Variants in RNF157 observed in about 807,000 individuals in gnomAD.
The protein encoded by RNF157 is E3 ubiquitin ligase RNF157.
RNF157 carries 55 observed loss-of-function variants against 88.3 expected under a neutral mutation model. The observed-to-expected ratio is 0.62, with a 90% CI of 0.50 to 0.78. The LOEUF is 0.78. RNF157 is among the 30% of genes least tolerant of loss of function. The pLI, the probability that RNF157 is intolerant of heterozygous loss-of-function variation, is 0.00. For synonymous variants in RNF157, 334 were observed against 341.2 expected, an observed-to-expected ratio of 0.98 and a Z score of 0.23; for missense variants, 788 against 860.8, an observed-to-expected ratio of 0.92 and a Z score of 1.06.
intron 2 of RNF157, among the ~76,000 whole-genome samples, chr17:76,209,865 T>C (rs1003771362): frequency 6.6e-6 from 1 of 152,140 alleles, no homozygotes; most frequent in African/African-American, 2.4e-5. Flanking sequence ...GTTCAAGCGA[T>C]TCTCCTGCCT....
chr17:76,223,725 C>T (rs1033784884), intron 1 of RNF157, among the ~76,000 whole-genome samples: 4 of 152,098 alleles, frequency 2.6e-5, no homozygotes, highest in African/African-American at 9.7e-5. Context: ...CTAAGTTCAA[C>T]GTACAGCCTC....
At position 76,155,693 on chromosome 17, in the gene RNF157, C is replaced by T. The variant is rs764901300; in HGVS notation, c.1567G>A (p.Ala523Thr). The change falls in exon 15 of 19, where the codon GCA (alanine) becomes ACA (threonine). Residue 523 changes from alanine to threonine, a missense_variant. Physicochemically the swap from Ala to Thr is moderately conservative, Grantham distance 58 (BLOSUM62 0). Coordinates refer to ENST00000269391, the MANE Select transcript of RNF157 (RefSeq NM_052916.3). ...GTGTCAGTGCTGATCTGGGAGGATGCCATGGACATGACAGACTGGGCCAAG... is the reference window on the plus strand; with the variant it reads ...GTGTCAGTGCTGATCTGGGAGGATGTCATGGACATGACAGACTGGGCCAAG... The part of the protein sequence containing the change: ...SSLAQSVMSM[A>T]SSQISTDTVS... The T allele has an allele frequency of 2.4e-5, 38 of 1,608,416 alleles. No individual in the cohort carries two copies. The Admixed American group carries it at 6.1e-4, about 26-fold the overall frequency.
In RNF157 at chr17:76,146,739, G is replaced by A. The variant is rs797006239; in HGVS notation, c.1922-1386C>T. ...ATGGGACAAAGCTCCTCCTGGGCAGGGGCCGTGACTTCTTCACTGTTGCAG... is the reference window on the plus strand; with the variant it reads ...ATGGGACAAAGCTCCTCCTGGGCAGAGGCCGTGACTTCTTCACTGTTGCAG... On this transcript the variant is annotated intron_variant, in intron 18 of 18. Coordinates refer to ENST00000269391, the MANE Select transcript of RNF157 (RefSeq NM_052916.3). This position sits in a 1 kb window ranked among gnomAD's most constrained non-coding sequence, Gnocchi z 4.2. 10 of 985,306 alleles carry A rather than the reference G, an allele frequency of 1.0e-5. No homozygotes were observed. In the South Asian group the frequency reaches 4.2e-4, roughly 42 times the overall value. The allele number at this position is 985,306 out of a possible 1,614,324, so 61.0% of individuals were successfully genotyped here.
chr17:76,229,609 T>A (rs2070153266), intron 1 of RNF157, among the ~76,000 whole-genome samples: 1 of 152,168 alleles, frequency 6.6e-6, no homozygotes, highest in Non-Finnish European at 1.5e-5. Context: ...CATCTTTGCC[T>A]CAAACTCAAT....
At chr17:76,222,946 A>G (rs1032850555) in intron 1 of RNF157, among the ~76,000 whole-genome samples, 1 of 151,422 alleles carries the variant, frequency 6.6e-6, no homozygotes, top group African/African-American at 2.4e-5. Context: ...GTTGGAGTGC[A>G]GAGGCCCGAT....
At chr17:76,198,886 C>T (rs2069522878) in intron 2 of RNF157, among the ~76,000 whole-genome samples, 2 of 152,218 alleles carry the variant, frequency 1.3e-5, no homozygotes, top group Admixed American at 6.5e-5. Context: ...GATGCCACAC[C>T]TGCTTATGCT....
chr17:76,162,698 T>G, intron 8 of RNF157, 75 bp from the exon 9 acceptor site: 1 of 1,062,528 alleles, frequency 9.4e-7, no homozygotes. Context: ...CCTCCAATCT[T>G]ACCTCTTTTG....
chr17:76,211,752 G>A (rs937627615), intron 2 of RNF157: 1 of 152,266 alleles, frequency 6.6e-6, no homozygotes. Flanking sequence ...CCACTCAATA[G>A]CCACCTGGCG....
chr17:76,223,958 G>T (rs929226710), intron 1 of RNF157, among the ~76,000 whole-genome samples: 4 of 152,160 alleles, frequency 2.6e-5, no homozygotes, highest in Non-Finnish European at 4.4e-5. Context: ...ACACTGGCCA[G>T]AGCAGCTCCA....
At chr17:76,201,519 A>C (rs1403569196) in intron 2 of RNF157, among the ~76,000 whole-genome samples, 1 of 152,082 alleles carries the variant, frequency 6.6e-6, no homozygotes, top group Non-Finnish European at 1.5e-5. Flanking sequence ...CTAAAAAAAA[A>C]ATAAAGAAAA....
chr17:76,155,845 C>T, intron 14 of RNF157, 111 bp from the exon 15 acceptor site: 1 of 941,156 alleles, frequency 1.1e-6, no homozygotes, highest in Non-Finnish European at 1.5e-6. Flanking sequence ...AGTGAAGTGG[C>T]CGTATCTTGC....
At chr17:76,149,989 C>T (rs549479459) in intron 18 of RNF157, among the ~76,000 whole-genome samples, 6 of 151,972 alleles carry the variant, frequency 3.9e-5, no homozygotes, top group Non-Finnish European at 7.4e-5. Context: ...GCCGAGATCG[C>T]GCCACTGCAC....
chr17:76,191,542 A>G (rs989832618), intron 2 of RNF157, among the ~76,000 whole-genome samples: 2 of 147,722 alleles, frequency 1.4e-5, no homozygotes, highest in Admixed American at 7.0e-5. Context: ...TGGAGGTTGC[A>G]GTGAGCTGAG....
intron 1 of RNF157, among the ~76,000 whole-genome samples, chr17:76,227,713 A>G (rs2070117446): frequency 6.6e-6 from 1 of 151,848 alleles, no homozygotes; most frequent in East Asian, 2.0e-4. Flanking sequence ...CCCTGTCTCT[A>G]CCAAAAATAC....
At chr17:76,192,841 CTTTTTTT>C (rs34816147) in intron 2 of RNF157, among the ~76,000 whole-genome samples, 4 of 134,292 alleles carry the variant, frequency 3.0e-5, no homozygotes, top group East Asian at 2.1e-4. Context: ...ACTTTCTTTC[CTTTTTTT>C]TTTTTTTTTT....
At position 76,146,864 on chromosome 17, in the gene RNF157, A is replaced by G. The variant is rs545610427; in HGVS notation, c.1922-1511T>C. On this transcript the variant is annotated intron_variant, in intron 18 of 18. Coordinates refer to ENST00000269391, the MANE Select transcript of RNF157 (RefSeq NM_052916.3). The surrounding 1 kb of genome is among the most constrained non-coding windows in gnomAD (Gnocchi z 4.2). The stretch of plus-strand genomic sequence containing the variant: ...GCCGTGAGGTTGAGAGAGGCCACTC[A>G]CAAGTGTCCAGGGTCAGCCTCAGGC... The G allele has an allele frequency of 4.7e-4, 465 of 985,480 alleles. 2 individuals carry two copies. Among genetic ancestry groups the G allele is most frequent in the Non-Finnish European group, 4.0e-4 (328 of 829,938 alleles). The allele number at this position is 985,480 out of a possible 1,614,324, so 61.0% of individuals were successfully genotyped here.
intron 2 of RNF157, among the ~76,000 whole-genome samples, chr17:76,202,482 C>G (rs2069601667): frequency 6.6e-6 from 1 of 152,176 alleles, no homozygotes; most frequent in African/African-American, 2.4e-5. Context: ...AGTCATAAAT[C>G]AAATGTAATC....
intron 4 of RNF157, 119 bp from the exon 5 acceptor site, chr17:76,167,245 G>A (rs2068942472): frequency 2.6e-6 from 2 of 779,360 alleles, no homozygotes; most frequent in Non-Finnish European, 4.3e-6. Flanking sequence ...AGAAGAAAGG[G>A]TCCTTTATAA....
intron 1 of RNF157, among the ~76,000 whole-genome samples, chr17:76,231,123 A>G (rs1360931265): frequency 6.6e-6 from 1 of 151,710 alleles, no homozygotes; most frequent in African/African-American, 2.4e-5. Flanking sequence ...TCAGCCTCCC[A>G]AGCAGCTGTG....
Sources: gnomAD v4.1 joint callset for allele counts (sites outside exome capture counted in the v4.1 genomes callset) on GRCh38, gnomAD v4.1.1 for gene constraint, Gnocchi (gnomAD v3.1) non-coding constraint, MANE v1.5 for transcripts, NCBI Gene and HGNC (gene_info 2026-07-23, HGNC 2026-07-21) for gene names.